VCPIP1: variants seen among roughly 807,000 people sequenced by gnomAD.
The protein encoded by VCPIP1 is deubiquitinating protein VCPIP1.
Under a neutral mutation model 85.0 loss-of-function variants are expected in VCPIP1, and 8 were observed. The ratio of observed to expected loss-of-function variants is 0.09; its 90% CI spans 0.06 to 0.17. VCPIP1 has a LOEUF of 0.17. VCPIP1 is among the 10% of genes least tolerant of loss of function. The pLI, the probability that VCPIP1 is intolerant of heterozygous loss-of-function variation, is 1.00. For synonymous variants in VCPIP1, 543 were observed against 544.5 expected (o/e 1.00, Z 0.04); for missense variants, 1,070 against 1,486.3 (o/e 0.72, Z 4.61).
intron 2 of VCPIP1, among the ~76,000 whole-genome samples, chr8:66,651,204 A>G (rs1476832924): frequency 6.7e-6 from 1 of 150,194 alleles, no homozygotes; most frequent in Non-Finnish European, 1.5e-5. Context: ...AAAAAAAAAA[A>G]GAATCATACA....
chr8:66,665,473 T>C lies in VCPIP1; in HGVS notation c.1486A>G (p.Lys496Glu), dbSNP rs1474319601. The C allele has an allele frequency of 5.0e-6, 8 of 1,614,222 alleles. No homozygotes were observed. The highest frequency in any genetic ancestry group is 6.8e-6 in the Non-Finnish European group (8 of 1,180,040). Residue 496 changes from lysine to glutamate, a missense_variant, in exon 1 of 3, where the codon AAA becomes GAA. Physicochemically the swap from Lys to Glu is moderately conservative, Grantham distance 56. Transcript: ENST00000310421. This position sits in a 1 kb window ranked among gnomAD's most constrained non-coding sequence, Gnocchi z 4.3. ...APGGKLYNLAKSTHGQLRTDK... is the reference protein window; with the variant it reads ...APGGKLYNLAESTHGQLRTDK... Reference sequence around the variant, plus strand: ...GTCCTCAGCTGTCCATGAGTACTTTTTGCCAGGTTATACAATTTCCCTCCA... The same window carrying C: ...GTCCTCAGCTGTCCATGAGTACTTTCTGCCAGGTTATACAATTTCCCTCCA...
intron 1 of VCPIP1, among the ~76,000 whole-genome samples, chr8:66,659,952 T>C (rs1162657612): frequency 6.6e-6 from 1 of 152,034 alleles, no homozygotes; most frequent in African/African-American, 2.4e-5. Flanking sequence ...ACAATCCCCA[T>C]GTATATATTT....
chr8:66,634,763 A>G lies in VCPIP1; in HGVS notation c.3407T>C (p.Leu1136Pro). ...CACAACTTCTGTTTTCCTTTGAGGA[A>G]GATCAGATGGTGACTGCTCTGTACT... is the stretch of plus-strand genomic sequence containing the variant. ...DQSTEQSPSDLPQRKTEVVSS... is the reference protein window; with the variant it reads ...DQSTEQSPSDPPQRKTEVVSS... The change falls in exon 3 of 3, where the codon CTT (leucine) becomes CCT (proline). Residue 1136 changes from leucine to proline, a missense_variant. Transcript: ENST00000310421. 6.2e-7 allele frequency: 1 copy of G among 1,614,256 alleles called. No homozygotes were observed. Among genetic ancestry groups the G allele is most frequent in the Non-Finnish European group, 8.5e-7 (1 of 1,180,044 alleles).
At chr8:66,637,823 T>A (rs1272342917) in intron 2 of VCPIP1, among the ~76,000 whole-genome samples, 1 of 151,378 alleles carries the variant, frequency 6.6e-6, no homozygotes, top group Non-Finnish European at 1.5e-5. Context: ...CAAAAAAAAA[T>A]TAGCCAGGCG....
intron 1 of VCPIP1, among the ~76,000 whole-genome samples, chr8:66,660,785 T>G (rs1174171318): frequency 6.6e-6 from 1 of 152,194 alleles, no homozygotes; most frequent in African/African-American, 2.4e-5. Context: ...GGCTCATGCC[T>G]GTAATCCCAG....
intron 1 of VCPIP1, among the ~76,000 whole-genome samples, chr8:66,656,561 A>T (rs572464616): frequency 6.6e-6 from 1 of 152,252 alleles, no homozygotes; most frequent in South Asian, 2.1e-4. Flanking sequence ...CAAAGCAGTA[A>T]ATTTAAAAAT....
chr8:66,651,006 G>A (rs953070571), intron 2 of VCPIP1, among the ~76,000 whole-genome samples: 1 of 150,336 alleles, frequency 6.7e-6, no homozygotes, highest in Non-Finnish European at 1.5e-5. Context: ...TCAACATGGA[G>A]AAACCCCCAT....
intron 1 of VCPIP1, among the ~76,000 whole-genome samples, chr8:66,658,378 T>C (rs1792648442): frequency 6.7e-6 from 1 of 149,798 alleles, no homozygotes; most frequent in South Asian, 2.1e-4. Flanking sequence ...AAGTACTATC[T>C]AGATTTGAAA....
chr8:66,638,711 A>G (rs1359822933), intron 2 of VCPIP1, among the ~76,000 whole-genome samples: 1 of 151,684 alleles, frequency 6.6e-6, no homozygotes, highest in Non-Finnish European at 1.5e-5. Flanking sequence ...CCCAGGAGGC[A>G]GAGTTTGCAG....
intron 2 of VCPIP1, among the ~76,000 whole-genome samples, chr8:66,639,673 T>C (rs1268836786): frequency 6.6e-6 from 1 of 152,066 alleles, no homozygotes; most frequent in Non-Finnish European, 1.5e-5. Flanking sequence ...AGAACAGAAA[T>C]AGTAATAGTA....
At chr8:66,652,882 A>G (rs1224405250) in intron 1 of VCPIP1, among the ~76,000 whole-genome samples, 3 of 152,152 alleles carry the variant, frequency 2.0e-5, no homozygotes, top group Admixed American at 2.0e-4. Context: ...ATAATCAGGA[A>G]GTTTTTAATT....
chr8:66,644,595 G>A (rs1810976482), intron 2 of VCPIP1, among the ~76,000 whole-genome samples: 1 of 152,108 alleles, frequency 6.6e-6, no homozygotes, highest in Non-Finnish European at 1.5e-5. Flanking sequence ...ATGCTTCCAA[G>A]ATATGGAAAA....
intron 2 of VCPIP1, among the ~76,000 whole-genome samples, chr8:66,649,287 G>A (rs1811030165): frequency 6.6e-6 from 1 of 152,058 alleles, no homozygotes; most frequent in Non-Finnish European, 1.5e-5. Flanking sequence ...AAGGCGAGAG[G>A]ATTGCTCGAG....
Position 66,635,023 on chromosome 8 carries a change from T to G in VCPIP1, c.3147A>C (p.Ser1049=), listed in dbSNP as rs1244528478. 3 of 1,613,496 alleles carry G rather than the reference T, an allele frequency of 1.9e-6. No individual in the cohort carries two copies. Among genetic ancestry groups the G allele is most frequent in the Non-Finnish European group, 2.5e-6 (3 of 1,179,646 alleles). ...PHLDPRARET[S]VVRKHNTGTD... is the part of the protein sequence containing the mutation. ...TCCCTGTATTATGCTTTCTTACAAC[T>G]GAAGTTTCCCTAGCTCTTGGATCAA... The change falls in exon 3 of 3, where the codon TCA becomes TCC. Residue 1049 remains serine, a synonymous_variant. Coordinates refer to ENST00000310421, the MANE Select transcript of VCPIP1 (RefSeq NM_025054.5).
At chr8:66,663,955 G>C (rs115429744) in intron 1 of VCPIP1, among the ~76,000 whole-genome samples, 1 of 152,044 alleles carries the variant, frequency 6.6e-6, no homozygotes, top group Non-Finnish European at 1.5e-5. Context: ...AATTTAAAAC[G>C]CTTTAAATAA....
intron 2 of VCPIP1, among the ~76,000 whole-genome samples, chr8:66,650,955 C>T (rs1343338114): frequency 2.7e-5 from 4 of 149,580 alleles, no homozygotes; most frequent in Admixed American, 6.7e-5. Context: ...GAGGCCAAGG[C>T]GGGCAGATCA....
chr8:66,655,261 T>G (rs2954564), intron 1 of VCPIP1, among the ~76,000 whole-genome samples: 2,979 of 152,346 alleles, frequency 0.02, 50 homozygotes, highest in Admixed American at 0.048. Flanking sequence ...GCTGAACAGA[T>G]GGCAACACTC....
intron 2 of VCPIP1, among the ~76,000 whole-genome samples, chr8:66,647,213 C>T (rs796638680): frequency 6.6e-6 from 1 of 151,650 alleles, no homozygotes; most frequent in Admixed American, 6.6e-5. Flanking sequence ...CGGTGGCAGG[C>T]GCCTGTAATC....
chr8:66,636,895 T>C (rs758398889), intron 2 of VCPIP1, among the ~76,000 whole-genome samples: 41 of 151,970 alleles, frequency 2.7e-4, no homozygotes, highest in Middle Eastern at 3.2e-3. Context: ...ATGCCTGATA[T>C]ATACAGTAAA....
Sources: allele counts gnomAD v4.1 joint callset (sites outside exome capture counted in the v4.1 genomes callset), GRCh38; gene constraint gnomAD v4.1.1; non-coding constraint Gnocchi (gnomAD v3.1); transcripts MANE v1.5; gene names NCBI Gene and HGNC (gene_info 2026-07-23, HGNC 2026-07-21).